SLC38A8: variants seen among roughly 807,000 people sequenced by gnomAD.
The protein encoded by SLC38A8 is solute carrier family 38 member 8.
SLC38A8 carries 65 observed loss-of-function variants against 46.0 expected under a neutral mutation model. The observed-to-expected ratio is 1.41, with a 90% CI of 1.16 to 1.74. The LOEUF (loss-of-function observed/expected upper bound fraction) is 1.74, where lower values mean the gene tolerates loss of function less well. SLC38A8 is among the 40% of genes most tolerant of loss of function. The pLI is 0.00. For synonymous variants in SLC38A8, 447 were observed against 243.7 expected, an observed-to-expected ratio of 1.83 and a Z score of -7.77; for missense variants, 998 against 567.9, an observed-to-expected ratio of 1.76 and a Z score of -7.70.
In SLC38A8 at chr16:84,041,957, C is replaced by A. The variant is rs1166114373; in HGVS notation, c.189+12G>T. The A allele has an allele frequency of 2.5e-6, 4 of 1,570,880 alleles. No individual in the cohort carries two copies. The highest frequency in any genetic ancestry group is 1.4e-5 in the African/African-American group (1 of 73,590). On this transcript the variant is annotated intron_variant, in intron 2 of 10. Transcript: ENST00000299709. ...CGTACCCGTCCCCAGGACTCACTTC[C>A]CGGGGACTTACCAGCTCCACCAGGA...
chr16:84,033,799 G>A (rs2085273047), intron 3 of SLC38A8, among the ~76,000 whole-genome samples: 1 of 152,134 alleles, frequency 6.6e-6, no homozygotes, highest in Non-Finnish European at 1.5e-5. Flanking sequence ...TTTCGTTCGG[G>A]AACTCAATAG....
rs185500804 is a variant in SLC38A8 at position 84,042,606 on chromosome 16, C to T, written c.-58G>A. 107 of 156,072 alleles carry T rather than the reference C, an allele frequency of 6.9e-4. No individual in the cohort carries two copies. The highest frequency in any genetic ancestry group is 3.3e-3 in the Middle Eastern group (1 of 304). The allele number at this position is 156,072 out of a possible 1,614,324, so 9.7% of individuals were successfully genotyped here. On this transcript the variant is annotated 5_prime_UTR_variant, in exon 1 of 11. Transcript: ENST00000299709. Reference sequence around the variant, plus strand: ...GTCTTTGGCTGTTGGGGATGGGACTCGGGCTTACTCCAGGTGGCTCAGTTG... The same window carrying T: ...GTCTTTGGCTGTTGGGGATGGGACTTGGGCTTACTCCAGGTGGCTCAGTTG...
At chr16:84,023,630 G>A (rs764114114) in intron 6 of SLC38A8, among the ~76,000 whole-genome samples, 34 of 152,168 alleles carry the variant, frequency 2.2e-4, no homozygotes, top group East Asian at 1.9e-4. Context: ...ACGCTGGCTC[G>A]CACCTGTCAC....
At chr16:84,030,017 TCA>T (rs1378532442) in intron 5 of SLC38A8, among the ~76,000 whole-genome samples, 1 of 152,176 alleles carries the variant, frequency 6.6e-6, no homozygotes, top group African/African-American at 2.4e-5. Flanking sequence ...CCCGCCTGGT[TCA>T]CAGCTTCCTT....
intron 6 of SLC38A8, among the ~76,000 whole-genome samples, chr16:84,026,974 G>A (rs955682183): frequency 2.0e-5 from 3 of 152,298 alleles, no homozygotes; most frequent in South Asian, 2.1e-4. Flanking sequence ...AGCTCTGACT[G>A]TACTAAAATC....
Position 84,042,033 on chromosome 16 carries a change from A to C in SLC38A8, c.125T>G (p.Leu42Arg), listed in dbSNP as rs778658405. 1 of 1,613,660 alleles carries C rather than the reference A, an allele frequency of 6.2e-7. No homozygotes were observed. Residue 42 changes from leucine (L) to arginine (R), a missense_variant, in exon 2 of 11, where the codon CTG (leucine) becomes CGG (arginine). Transcript: ENST00000299709. Reference sequence around the variant, plus strand: ...GGAGAAGGCCCAGGGGAAGTTGAGCAGGCCAGCTCCCAGCGCGGACTTCAT... The same window carrying C: ...GGAGAAGGCCCAGGGGAAGTTGAGCCGGCCAGCTCCCAGCGCGGACTTCAT... ...ILMKSALGAG[L>R]LNFPWAFSKA...
chr16:84,009,826 G>A lies in SLC38A8; in HGVS notation c.1266C>T (p.Ile422=). Residue 422 remains isoleucine, a synonymous_variant, in exon 11 of 11, where the codon ATC becomes ATT. Transcript: ENST00000299709. ...CCGCTGCCGCCGTGCTCTGCCCAAAGATGAAGGTGCCGACCAGCACAGAGA... is the reference window on the plus strand; with the variant it reads ...CCGCTGCCGCCGTGCTCTGCCCAAAAATGAAGGTGCCGACCAGCACAGAGA... ...GVVSVLVGTF[I]FGQSTAAAVW... 6.2e-7 allele frequency: 1 copy of A among 1,614,126 alleles called. No homozygotes were observed. Among genetic ancestry groups the A allele is most frequent in the Non-Finnish European group, 8.5e-7 (1 of 1,180,008 alleles).
At position 84,009,877 on chromosome 16, in the gene SLC38A8, C is replaced by A; in HGVS notation, c.1215G>T (p.Lys405Asn). ...MGVEPIGPRV[K>N]CCLEVWGVVS... ...CCACTCCCCAGACCTCCAGGCAGCA[C>A]CTGCCAAGTGAATAAACCCATGTCA... is the stretch of plus-strand genomic sequence containing the variant. Residue 405 changes from lysine to asparagine, a missense_variant and splice_region_variant, in exon 11 of 11, where the codon AAG becomes AAT. Lys to Asn is a moderately conservative substitution (Grantham distance 94). Transcript: ENST00000299709. 1.2e-6 allele frequency: 2 copies of A among 1,613,080 alleles called. No homozygotes were observed. Among genetic ancestry groups the A allele is most frequent in the Non-Finnish European group, 1.7e-6 (2 of 1,179,766 alleles).
At chr16:84,026,628 G>A (rs758556630) in intron 6 of SLC38A8, among the ~76,000 whole-genome samples, 21 of 152,224 alleles carry the variant, frequency 1.4e-4, no homozygotes, top group Non-Finnish European at 2.1e-4. Context: ...AAGGAGACAG[G>A]AAGACGACAC....
chr16:84,039,743 C>CAAAA (rs56074069), intron 2 of SLC38A8, among the ~76,000 whole-genome samples: 3 of 85,800 alleles, frequency 3.5e-5, no homozygotes, highest in African/African-American at 4.8e-5. Context: ...GTGAGACCTT[C>CAAAA]AAAAAAAAAA....
At chr16:84,034,804 C>A (rs150717615) in intron 3 of SLC38A8, among the ~76,000 whole-genome samples, 1,883 of 151,994 alleles carry the variant, frequency 0.012, 19 homozygotes, top group Middle Eastern at 0.031. Context: ...CTCCAGGTGG[C>A]GTGGGATGGG....
chr16:84,013,422 G>GTTTTTTTTTTTTGTTTTTTTTTTTTTT (rs369454720), intron 9 of SLC38A8, among the ~76,000 whole-genome samples: 4 of 108,698 alleles, frequency 3.7e-5, no homozygotes, highest in Non-Finnish European at 5.3e-5. Context: ...TGTTGTGTGT[G>GTTTTTTTTTTTTGTTTTTTTTTTTTTT]TGTTTTTTTT....
chr16:84,026,922 G>T (rs1380290512), intron 6 of SLC38A8, among the ~76,000 whole-genome samples: 1 of 152,116 alleles, frequency 6.6e-6, no homozygotes, highest in Non-Finnish European at 1.5e-5. Flanking sequence ...TTCTTCGAGG[G>T]GCAACAGAAA....
intron 7 of SLC38A8, among the ~76,000 whole-genome samples, chr16:84,017,932 C>G (rs1333765306): frequency 6.6e-6 from 1 of 152,188 alleles, no homozygotes; most frequent in Non-Finnish European, 1.5e-5. Flanking sequence ...GAGTCACACC[C>G]TCTGACCCAG....
rs1345623470 is a variant in SLC38A8 at position 84,017,148 on chromosome 16, G to C, written c.945C>G (p.Phe315Leu). The C allele has an allele frequency of 6.2e-7, 1 of 1,614,066 alleles. No individual in the cohort carries two copies. Among genetic ancestry groups the C allele is most frequent in the African/African-American group, 1.3e-5 (1 of 75,010 alleles). ...SIVTVYPIVL[F>L]LGRSVMQDFW... ...ACTGAGCCAGGCCTCACCTCCCCAGGAAGAGCACGATGGGGTAGACAGTTA... is the reference window on the plus strand; with the variant it reads ...ACTGAGCCAGGCCTCACCTCCCCAGCAAGAGCACGATGGGGTAGACAGTTA... Residue 315 changes from phenylalanine to leucine, a missense_variant, in exon 8 of 11, where the codon TTC (phenylalanine) becomes TTG (leucine). Transcript: ENST00000299709.
rs531877798 is a variant in SLC38A8, at chr16:84,030,476, A to G, written c.633-925T>C. ...AGCCACGTTTCTCCTGCCAGCCCGG[A>G]CCTCTCTCTCTGAACTTCAGACACA... is the stretch of plus-strand genomic sequence containing the variant. On this transcript the variant is annotated intron_variant, in intron 5 of 10. Coordinates refer to ENST00000299709, the MANE Select transcript of SLC38A8 (RefSeq NM_001080442.3). 2.0e-5 allele frequency among the ~76,000 whole-genome samples: 3 copies of G among 150,248 alleles called. No homozygotes were observed. The South Asian group carries it at 6.4e-4, about 32-fold the overall frequency.
chr16:84,034,173 C>A (rs893165117), intron 3 of SLC38A8, among the ~76,000 whole-genome samples: 1 of 152,222 alleles, frequency 6.6e-6, no homozygotes, highest in Non-Finnish European at 1.5e-5. Flanking sequence ...CAGGCACCTC[C>A]AACTTCTTCC....
Position 84,019,758 on chromosome 16 carries a change from G to A in SLC38A8, c.806-2471C>T, listed in dbSNP as rs371437754. Among the ~76,000 whole-genome samples the A allele has an allele frequency of 2.6e-4, 40 of 152,334 alleles. 1 individual carries two copies. In the South Asian group the frequency reaches 8.3e-3, roughly 32 times the overall value. The stretch of plus-strand genomic sequence containing the variant: ...AAGCAATCTACTTCCAGGACACAAT[G>A]GCAGTGCAGGCAAAAGAAACATTCT... On this transcript the variant is annotated intron_variant, in intron 7 of 10. Transcript: ENST00000299709.
At chr16:84,019,527 C>G (rs1478207236) in intron 7 of SLC38A8, among the ~76,000 whole-genome samples, 1 of 152,230 alleles carries the variant, frequency 6.6e-6, no homozygotes, top group Non-Finnish European at 1.5e-5. Context: ...TACTGCCATA[C>G]TGGCAATTTA....
Sources: gnomAD v4.1 joint callset for allele counts (sites outside exome capture counted in the v4.1 genomes callset) on GRCh38, gnomAD v4.1.1 for gene constraint, MANE v1.5 for transcripts, NCBI Gene and HGNC (gene_info 2026-07-23, HGNC 2026-07-21) for gene names.